Variants in RAD21L1 observed in about 807,000 individuals in gnomAD.
RAD21L1 encodes double-strand-break repair protein rad21-like protein 1.
RAD21L1 carries 47 observed loss-of-function variants against 69.0 expected under a neutral mutation model. The ratio of observed to expected loss-of-function variants is 0.68; its 90% CI spans 0.54 to 0.87. The LOEUF (loss-of-function observed/expected upper bound fraction) is 0.87. Among genes scored for constraint, RAD21L1 ranks in the 40% least tolerant of loss-of-function variants. The pLI is 0.00. For missense variants in RAD21L1, 583 were observed against 647.6 expected (o/e 0.90, Z 1.08); for synonymous variants, 177 against 205.8 (o/e 0.86, Z 1.20).
rs1254943318 is a variant in RAD21L1, at chr20:1,248,651, T to C, written c.1427T>C (p.Ile476Thr). The C allele has an allele frequency of 2.0e-6, 3 of 1,536,334 alleles. No homozygotes were observed. The highest frequency in any genetic ancestry group is 2.8e-5 in the African/African-American group (2 of 72,584). Residue 476 changes from isoleucine (I) to threonine (T), a missense_variant, in exon 13 of 14, where the codon ATT becomes ACT. Transcript: ENST00000683101. ...ELESLSNEEN[I>T]ETERWNGRIL... The stretch of plus-strand genomic sequence containing the variant: ...GAGTCATTGAGCAATGAAGAAAATA[T>C]TGAGACAGAGAGATGGAATGGAAGA...
At chr20:1,235,912 C>T (rs1474844738) in intron 5 of RAD21L1, among the ~76,000 whole-genome samples, 1 of 152,062 alleles carries the variant, frequency 6.6e-6, no homozygotes, top group African/African-American at 2.4e-5. Flanking sequence ...GGACTACAGG[C>T]ATGCACCTCC....
At chr20:1,238,833 A>T (rs1362773748) in intron 6 of RAD21L1, among the ~76,000 whole-genome samples, 1 of 152,026 alleles carries the variant, frequency 6.6e-6, no homozygotes, top group African/African-American at 2.4e-5. Flanking sequence ...TATTATTATT[A>T]TTATTTTTGA....
intron 2 of RAD21L1, 57 bp downstream of exon 2, chr20:1,228,654 A>C (rs1371102186): frequency 1.7e-6 from 2 of 1,173,336 alleles, no homozygotes; most frequent in Non-Finnish European, 2.4e-6. Context: ...AGGAGGAAAG[A>C]CATTAAGATA....
At chr20:1,235,355 T>C (rs2087472768) in intron 5 of RAD21L1, among the ~76,000 whole-genome samples, 1 of 152,224 alleles carries the variant, frequency 6.6e-6, no homozygotes. Flanking sequence ...TCTTGCCATA[T>C]CTGTAGCTGT....
chr20:1,236,105 C>T (rs185893542), intron 5 of RAD21L1, among the ~76,000 whole-genome samples: 92 of 152,214 alleles, frequency 6.0e-4, no homozygotes, highest in African/African-American at 2.2e-3. Flanking sequence ...CAGCTTCATA[C>T]TAGTGCTGGG....
intron 9 of RAD21L1, 84 bp downstream of exon 9, chr20:1,242,929 C>T (rs1292886272): frequency 9.2e-6 from 9 of 981,648 alleles, no homozygotes; most frequent in East Asian, 5.3e-5. Context: ...TATTTACATA[C>T]ATATATAACA....
chr20:1,248,100 C>T (rs2087754020), intron 12 of RAD21L1, among the ~76,000 whole-genome samples: 2 of 145,370 alleles, frequency 1.4e-5, no homozygotes, highest in Admixed American at 6.9e-5. Context: ...CAGACATGTC[C>T]AAGGCACAGA....
chr20:1,226,474 C>T (rs1019799770), intron 1 of RAD21L1: 3 of 152,834 alleles, frequency 2.0e-5, no homozygotes, highest in East Asian at 1.9e-4. Flanking sequence ...TGAGCGTGGC[C>T]GTCAGCTCTT....
chr20:1,250,401 G>A (rs560558165), intron 13 of RAD21L1, among the ~76,000 whole-genome samples: 35 of 151,286 alleles, frequency 2.3e-4, no homozygotes, highest in South Asian at 6.3e-4. Flanking sequence ...TATCCCTCCC[G>A]CTGTGTCCAA....
At chr20:1,253,945 A>G (rs2087884962) in intron 13 of RAD21L1, among the ~76,000 whole-genome samples, 1 of 152,202 alleles carries the variant, frequency 6.6e-6, no homozygotes, top group Admixed American at 6.5e-5. Flanking sequence ...TGTCTCTGCA[A>G]ATATAGACTA....
Position 1,228,599 on chromosome 20 carries a change from T to G in RAD21L1, c.144+2T>G. 1 of 1,524,760 alleles carries G rather than the reference T, an allele frequency of 6.6e-7. No individual in the cohort carries two copies. The highest frequency in any genetic ancestry group is 8.8e-7 in the Non-Finnish European group (1 of 1,132,344). The allele number at this position is 1,524,760 out of a possible 1,614,324, so 94.5% of individuals were successfully genotyped here. ...ATTGAAAAAATTCTTTCACCCAAGG[T>G]ATGTTACTGATTAAAATGATAGCTT... is the stretch of plus-strand genomic sequence containing the variant. On this transcript the variant is annotated splice_donor_variant, in intron 2 of 13. Transcript: ENST00000683101. LOFTEE classifies it high-confidence loss of function.
chr20:1,229,830 A>G (rs1568514547), intron 2 of RAD21L1, 50 bp from the exon 3 acceptor site: 28 of 1,370,164 alleles, frequency 2.0e-5, no homozygotes, highest in Non-Finnish European at 2.7e-5. Flanking sequence ...AAAGAATAGG[A>G]TTTATGAACC....
intron 8 of RAD21L1, among the ~76,000 whole-genome samples, chr20:1,242,245 C>G (rs113698696): frequency 6.6e-6 from 1 of 152,094 alleles, no homozygotes; most frequent in African/African-American, 2.4e-5. Flanking sequence ...TTTCTTTTCT[C>G]TTTTGGAGAT....
In RAD21L1 at chr20:1,243,184, C is replaced by A. The variant is rs1743032003; in HGVS notation, c.1171C>A (p.Gln391Lys). 6.7e-7 allele frequency: 1 copy of A among 1,494,546 alleles called. No individual in the cohort carries two copies. 92.6% of individuals were successfully genotyped at this position (1,494,546 alleles called of 1,614,324 possible). A position where few individuals can be genotyped will look rare whatever the true frequency, so the allele number is the denominator to read the frequency against. Reference sequence around the variant, plus strand: ...GTCAGTAAGGGAAGAAGTGGGAAACCAAAATATAGTAGGTGAGACTTCTTA... The same window carrying A: ...GTCAGTAAGGGAAGAAGTGGGAAACAAAAATATAGTAGGTGAGACTTCTTA... Reference protein sequence around the residue: ...KESVREEVGNQNIVETSMMQE... With the variant: ...KESVREEVGNKNIVETSMMQE... The change falls in exon 10 of 14, where the codon CAA becomes AAA. Residue 391 changes from glutamine (Q) to lysine (K), a missense_variant. Transcript: ENST00000683101.
At chr20:1,240,485 T>C (rs2087584907) in intron 8 of RAD21L1, 51 bp downstream of exon 8, 8 of 1,506,262 alleles carry the variant, frequency 5.3e-6, no homozygotes, top group Non-Finnish European at 7.1e-6. Flanking sequence ...TGTTAACTTA[T>C]TTACTTTGAG....
chr20:1,242,380 G>A (rs1352448108), intron 8 of RAD21L1, among the ~76,000 whole-genome samples: 2 of 152,020 alleles, frequency 1.3e-5, no homozygotes, highest in East Asian at 1.9e-4. Flanking sequence ...CTACAGGTGC[G>A]TGCTACCATG....
At chr20:1,237,460 A>G (rs1246501688) in intron 5 of RAD21L1, among the ~76,000 whole-genome samples, 1 of 151,696 alleles carries the variant, frequency 6.6e-6, no homozygotes, top group Non-Finnish European at 1.5e-5. Context: ...CTTCTATTAC[A>G]TAATATAATA....
intron 10 of RAD21L1, among the ~76,000 whole-genome samples, chr20:1,243,792 G>C (rs1204474281): frequency 6.6e-6 from 1 of 152,164 alleles, no homozygotes; most frequent in East Asian, 1.9e-4. Flanking sequence ...ATGTTGTCTT[G>C]TGAGTGAATG....
At chr20:1,245,677 T>A (rs1229265943) in intron 11 of RAD21L1, among the ~76,000 whole-genome samples, 2 of 152,206 alleles carry the variant, frequency 1.3e-5, no homozygotes, top group Non-Finnish European at 2.9e-5. Context: ...ATGTCTTCAC[T>A]CCCCTTCCAA....
Sources: gnomAD v4.1 joint callset for allele counts (sites outside exome capture counted in the v4.1 genomes callset) on GRCh38, gnomAD v4.1.1 for gene constraint, MANE v1.5 for transcripts, NCBI Gene and HGNC (gene_info 2026-07-23, HGNC 2026-07-21) for gene names.